LINGO1: variants seen among roughly 807,000 people sequenced by gnomAD.
The protein encoded by LINGO1 is leucine rich repeat and Ig domain containing 1.
LINGO1 carries 11 observed loss-of-function variants against 37.3 expected under a neutral mutation model. The observed-to-expected ratio is 0.29, with a 90% CI of 0.19 to 0.49. The LOEUF (loss-of-function observed/expected upper bound fraction) is 0.49. Ranked by LOEUF, LINGO1 falls within the 20% of genes least tolerant of loss-of-function variation. The pLI is 0.99. For synonymous variants in LINGO1, 387 were observed against 403.0 expected (o/e 0.96, Z 0.48); for missense variants, 585 against 878.2 (o/e 0.67, Z 4.22).
intron 1 of LINGO1, among the ~76,000 whole-genome samples, chr15:77,776,559 A>AAAGCAGGAAGGCAGGAAAGCAGGAAG (rs1555541410): frequency 6.9e-6 from 1 of 144,426 alleles, no homozygotes. Flanking sequence ...GGAGGGAGGG[A>AAAGCAGGAAGGCAGGAAAGCAGGAAG]GCTGACTCTG....
At chr15:77,694,795 T>G (rs1231693223) in intron 1 of LINGO1, among the ~76,000 whole-genome samples, 1 of 152,188 alleles carries the variant, frequency 6.6e-6, no homozygotes, top group Non-Finnish European at 1.5e-5. Flanking sequence ...ACCCCACACC[T>G]ACAGCTGCTG....
At chr15:77,755,895 C>A (rs2076414032) in intron 1 of LINGO1, among the ~76,000 whole-genome samples, 1 of 152,216 alleles carries the variant, frequency 6.6e-6, no homozygotes, top group Non-Finnish European at 1.5e-5. Context: ...CCCCTTCAAT[C>A]TTCCAAAGGC....
At chr15:77,728,346 C>T (rs2076122985) in intron 2 of LINGO1, among the ~76,000 whole-genome samples, 1 of 152,272 alleles carries the variant, frequency 6.6e-6, no homozygotes, top group Non-Finnish European at 1.5e-5. Flanking sequence ...TGCTGAGTCC[C>T]AACCCCCAGA....
At chr15:77,719,262 G>C (rs2076020638) in intron 2 of LINGO1, among the ~76,000 whole-genome samples, 1 of 150,012 alleles carries the variant, frequency 6.7e-6, no homozygotes, top group African/African-American at 2.4e-5. Flanking sequence ...GGGGTGGCTG[G>C]GTGGTGGAGT....
chr15:77,747,049 C>T (rs183487216), intron 1 of LINGO1, among the ~76,000 whole-genome samples: 3 of 152,196 alleles, frequency 2.0e-5, no homozygotes, highest in Non-Finnish European at 4.4e-5. Flanking sequence ...CACCTAGGCC[C>T]GGCCCATGGA....
chr15:77,766,616 T>C (rs979718695), intron 1 of LINGO1, among the ~76,000 whole-genome samples: 5 of 152,184 alleles, frequency 3.3e-5, no homozygotes, highest in African/African-American at 1.2e-4. Context: ...TGCGTTCTCA[T>C]GAGATCTGAT....
At chr15:77,753,292 G>A (rs1467838612) in intron 1 of LINGO1, among the ~76,000 whole-genome samples, 1 of 152,222 alleles carries the variant, frequency 6.6e-6, no homozygotes. Flanking sequence ...AGGGCTGTAG[G>A]TCAGCTCTAA....
upstream of LINGO1, among the ~76,000 whole-genome samples, chr15:77,636,629 A>AG (rs2074402025): frequency 6.6e-6 from 1 of 151,992 alleles, no homozygotes; most frequent in South Asian, 2.1e-4. Context: ...TGTGACCTTG[A>AG]GGGGGTCACA....
rs529317865 is a variant in LINGO1 at position 77,799,825 on chromosome 15, G to A, written c.-457-3772C>T. ...GTTTTCTTTTTTTTTGAGGGATGGG[G>A]CTGTATTGAGAGAGTAAGAGGGAAC... is the stretch of plus-strand genomic sequence containing the variant. On this transcript the variant is annotated intron_variant, in intron 1 of 5. Transcript: ENST00000562933. Among the ~76,000 whole-genome samples the A allele has an allele frequency of 2.6e-5, 4 of 152,236 alleles. No homozygotes were observed. In the East Asian group the frequency reaches 5.8e-4, roughly 22 times the overall value.
intron 1 of LINGO1, among the ~76,000 whole-genome samples, chr15:77,740,820 C>T (rs1397527042): frequency 6.6e-6 from 1 of 152,184 alleles, no homozygotes; most frequent in Non-Finnish European, 1.5e-5. Context: ...AGATCTCTAA[C>T]CTTCAACCCC....
chr15:77,692,960 G>A (rs189706697), intron 1 of LINGO1, among the ~76,000 whole-genome samples: 9 of 152,320 alleles, frequency 5.9e-5, no homozygotes, highest in African/African-American at 2.2e-4. Flanking sequence ...GTGTGCTTAT[G>A]AGTGTGCATG....
intron 2 of LINGO1, among the ~76,000 whole-genome samples, chr15:77,725,712 T>C (rs902126966): frequency 6.6e-6 from 1 of 152,214 alleles, no homozygotes; most frequent in Non-Finnish European, 1.5e-5. Flanking sequence ...GACAGGCAGC[T>C]CCTGTGAGAG....
intron 1 of LINGO1, among the ~76,000 whole-genome samples, chr15:77,776,970 C>T (rs1014186837): frequency 1.3e-5 from 2 of 152,188 alleles, no homozygotes; most frequent in African/African-American, 4.8e-5. Context: ...CAGAGCCTGG[C>T]TCTAAAGACT....
chr15:77,728,713 G>A (rs1421705337), intron 2 of LINGO1, among the ~76,000 whole-genome samples: 1 of 152,222 alleles, frequency 6.6e-6, no homozygotes, highest in Admixed American at 6.5e-5. Flanking sequence ...ACAAATGCTT[G>A]GAATGTAGTC....
chr15:77,806,782 C>T (rs2076963631), intron 1 of LINGO1, among the ~76,000 whole-genome samples: 1 of 152,098 alleles, frequency 6.6e-6, no homozygotes. Context: ...GGATCTGGGT[C>T]TCCAGGCTTG....
upstream of LINGO1, among the ~76,000 whole-genome samples, chr15:77,697,480 C>T (rs943823276): frequency 3.3e-5 from 5 of 152,188 alleles, no homozygotes; most frequent in Non-Finnish European, 7.3e-5. Context: ...CAGGACAGGT[C>T]AGAGGCATGC....
intron 1 of LINGO1, among the ~76,000 whole-genome samples, chr15:77,751,251 C>A (rs1222903337): frequency 6.6e-6 from 1 of 152,212 alleles, no homozygotes; most frequent in East Asian, 1.9e-4. Context: ...TCAATCCAAC[C>A]CTGTCTACCA....
intron 1 of LINGO1, among the ~76,000 whole-genome samples, chr15:77,817,975 T>A (rs936964777): frequency 1.3e-5 from 2 of 152,110 alleles, no homozygotes; most frequent in African/African-American, 4.8e-5. Flanking sequence ...GAGACCCAGG[T>A]AGATACTGAC....
At chr15:77,728,618 G>C (rs1307084453) in intron 2 of LINGO1, among the ~76,000 whole-genome samples, 1 of 152,214 alleles carries the variant, frequency 6.6e-6, no homozygotes, top group Non-Finnish European at 1.5e-5. Flanking sequence ...CCTCAGGCAG[G>C]CCTCCTTGTC....
Sources: gnomAD v4.1 joint callset for allele counts (sites outside exome capture counted in the v4.1 genomes callset) on GRCh38, gnomAD v4.1.1 for gene constraint, MANE v1.5 for transcripts, NCBI Gene and HGNC (gene_info 2026-07-23, HGNC 2026-07-21) for gene names.